LRRC7: variants seen among roughly 807,000 people sequenced by gnomAD.
The protein encoded by LRRC7 is leucine rich repeat containing 7.
LRRC7 carries 23 observed loss-of-function variants against 175.7 expected under a neutral mutation model. That is an observed-to-expected ratio of 0.13 (90% CI 0.09 to 0.19). The LOEUF is 0.19. LRRC7 is among the 10% of genes least tolerant of loss of function. The pLI, the probability that LRRC7 is intolerant of heterozygous loss-of-function variation, is 1.00. For missense variants in LRRC7, 1,354 were observed against 1,904.7 expected (o/e 0.71, Z 5.38); for synonymous variants, 685 against 680.9 (o/e 1.01, Z -0.09).
intron 2 of LRRC7, among the ~76,000 whole-genome samples, chr1:69,707,994 A>G (rs1296213425): frequency 6.6e-6 from 1 of 152,164 alleles, no homozygotes; most frequent in Non-Finnish European, 1.5e-5. Flanking sequence ...TATCCTTTAT[A>G]TACACTATTA....
intron 1 of LRRC7, among the ~76,000 whole-genome samples, chr1:69,598,138 G>C (rs918910464): frequency 1.3e-5 from 2 of 152,146 alleles, no homozygotes; most frequent in African/African-American, 4.8e-5. Context: ...TTAGTCACAG[G>C]TAACTAAATT....
At chr1:69,636,444 C>G (rs12726995) in intron 1 of LRRC7, among the ~76,000 whole-genome samples, 3,652 of 138,300 alleles carry the variant, frequency 0.026, 123 homozygotes, top group African/African-American at 0.091. Context: ...CACACACACA[C>G]AGAGACAGAT....
chr1:70,010,801 C>T (rs1656433901), intron 11 of LRRC7, among the ~76,000 whole-genome samples: 1 of 152,162 alleles, frequency 6.6e-6, no homozygotes, highest in Non-Finnish European at 1.5e-5. Flanking sequence ...TATCTCAAAC[C>T]AGGCATTGAA....
At chr1:69,989,790 CA>C (rs1230872282) in intron 10 of LRRC7, among the ~76,000 whole-genome samples, 2 of 152,040 alleles carry the variant, frequency 1.3e-5, no homozygotes, top group Non-Finnish European at 2.9e-5. Flanking sequence ...TAAATGCATA[CA>C]CATAGTGCTA....
chr1:69,938,233 A>C (rs1648253824), intron 8 of LRRC7, among the ~76,000 whole-genome samples: 1 of 152,094 alleles, frequency 6.6e-6, no homozygotes, highest in Admixed American at 6.6e-5. Context: ...ACAGTAAATC[A>C]AGCAGTCGTT....
intron 23 of LRRC7, among the ~76,000 whole-genome samples, chr1:70,055,693 A>G (rs1661096564): frequency 6.6e-6 from 1 of 152,092 alleles, no homozygotes; most frequent in African/African-American, 2.4e-5. Context: ...GAGAAGGGGG[A>G]AGTGCTATAT....
chr1:69,997,566 A>G (rs1295125755), intron 11 of LRRC7, among the ~76,000 whole-genome samples: 1 of 151,746 alleles, frequency 6.6e-6, no homozygotes, highest in African/African-American at 2.4e-5. Context: ...TTATTTTGAG[A>G]TACGTCCCAT....
intron 17 of LRRC7, among the ~76,000 whole-genome samples, chr1:70,026,109 ATACAT>A (rs753786133): frequency 6.6e-6 from 1 of 152,158 alleles, no homozygotes; most frequent in Non-Finnish European, 1.5e-5. Flanking sequence ...CTAACAAAAA[ATACAT>A]TACATTATTC....
intron 1 of LRRC7, among the ~76,000 whole-genome samples, chr1:69,579,075 A>G (rs1646088322): frequency 6.6e-6 from 1 of 152,164 alleles, no homozygotes; most frequent in Non-Finnish European, 1.5e-5. Context: ...AATGGAAACA[A>G]TAGCATATTT....
rs143197922 is a variant in LRRC7, at chr1:69,870,289, G to A, written c.647+32006G>A. On this transcript the variant is annotated intron_variant, in intron 7 of 26. Transcript: ENST00000651989. ...TTACAGGTTAGGTGTGGAAGAGGAG[G>A]TAGCAGAGGTGTCGAGTACACACAG... 3.7e-3 allele frequency among the ~76,000 whole-genome samples: 567 copies of A among 152,198 alleles called. 4 individuals carry two copies. Among genetic ancestry groups the A allele is most frequent in the African/African-American group, 0.012 (512 of 41,532 alleles).
At chr1:70,060,267 T>A (rs1661475792) in intron 23 of LRRC7, among the ~76,000 whole-genome samples, 1 of 151,952 alleles carries the variant, frequency 6.6e-6, no homozygotes, top group South Asian at 2.1e-4. Context: ...GAGGTTGCAG[T>A]GAGCAGAGAT....
Position 70,012,997 on chromosome 1 carries a change from A to C in LRRC7, c.1158A>C (p.Thr386=). ...AGATTGGAAGTTGTAAGAATGTAAC[A>C]GTCATGTCTCTACGCTCCAACAAAT... ...PREIGSCKNV[T]VMSLRSNKLE... The change falls in exon 13 of 27, where the codon ACA becomes ACC. Residue 386 remains threonine, a synonymous_variant. Transcript: ENST00000651989. 1 of 1,567,136 alleles carries C rather than the reference A, an allele frequency of 6.4e-7. No homozygotes were observed. Among genetic ancestry groups the C allele is most frequent in the East Asian group, 2.4e-5 (1 of 41,530 alleles).
chr1:69,785,261 G>A (rs1674272726), intron 3 of LRRC7, among the ~76,000 whole-genome samples: 4 of 151,986 alleles, frequency 2.6e-5, no homozygotes, highest in East Asian at 1.9e-4. Flanking sequence ...TACATTCCTG[G>A]TAAACTGAAG....
chr1:70,112,683 G>A (rs531721332), intron 26 of LRRC7, among the ~76,000 whole-genome samples: 1 of 152,274 alleles, frequency 6.6e-6, no homozygotes, highest in African/African-American at 2.4e-5. Flanking sequence ...AGAGGGAGAG[G>A]AGACCTGTGT....
intron 8 of LRRC7, among the ~76,000 whole-genome samples, chr1:69,933,543 T>C (rs1005809694): frequency 6.6e-5 from 10 of 152,206 alleles, no homozygotes; most frequent in African/African-American, 2.4e-4. Flanking sequence ...TTTGGGTCTA[T>C]AGCTCACTCT....
At chr1:69,882,975 G>A (rs1686790928) in intron 7 of LRRC7, among the ~76,000 whole-genome samples, 1 of 151,978 alleles carries the variant, frequency 6.6e-6, no homozygotes, top group African/African-American at 2.4e-5. Flanking sequence ...AGTATTCCAT[G>A]GTGTATATGT....
intron 11 of LRRC7, among the ~76,000 whole-genome samples, chr1:70,001,297 A>G (rs1220663931): frequency 6.6e-6 from 1 of 152,186 alleles, no homozygotes; most frequent in Admixed American, 6.5e-5. Context: ...CATATTTAGA[A>G]CTGTCATGCA....
chr1:69,769,424 A>G (rs1295211682), intron 3 of LRRC7, among the ~76,000 whole-genome samples: 4 of 146,502 alleles, frequency 2.7e-5, no homozygotes, highest in Non-Finnish European at 4.7e-5. Context: ...TTGAGCACAG[A>G]CATAATATTA....
intron 7 of LRRC7, among the ~76,000 whole-genome samples, chr1:69,898,466 A>G (rs1190630586): frequency 6.6e-6 from 1 of 152,252 alleles, no homozygotes; most frequent in Non-Finnish European, 1.5e-5. Flanking sequence ...GAGGACCTTG[A>G]ATAAATGCAA....
Sources: allele counts gnomAD v4.1 joint callset (sites outside exome capture counted in the v4.1 genomes callset), GRCh38; gene constraint gnomAD v4.1.1; transcripts MANE v1.5; gene names NCBI Gene and HGNC (gene_info 2026-07-23, HGNC 2026-07-21).